The following SNX25 variants were observed in gnomAD, a reference collection of about 807,000 sequenced individuals.
The protein encoded by SNX25 is sorting nexin 25.
Under a neutral mutation model 113.7 loss-of-function variants are expected in SNX25, and 62 were observed. The observed-to-expected ratio is 0.55, with a 90% CI of 0.44 to 0.67. The LOEUF is 0.67. Among genes scored for constraint, SNX25 ranks in the 30% least tolerant of loss-of-function variants. The pLI, the probability that SNX25 is intolerant of heterozygous loss-of-function variation, is 0.00. For missense variants in SNX25, 1,014 were observed against 1,161.0 expected (o/e 0.87, Z 1.84); for synonymous variants, 421 against 436.2 (o/e 0.97, Z 0.43).
intron 3 of SNX25, among the ~76,000 whole-genome samples, chr4:185,263,628 C>A (rs1453217821): frequency 2.0e-5 from 3 of 152,160 alleles, no homozygotes; most frequent in Admixed American, 2.0e-4. Context: ...CTAATATGCA[C>A]TAGTTTCATT....
At chr4:185,245,460 G>A (rs1744731296) in intron 1 of SNX25, among the ~76,000 whole-genome samples, 1 of 151,716 alleles carries the variant, frequency 6.6e-6, no homozygotes, top group African/African-American at 2.4e-5. Flanking sequence ...GCCTCAGCCT[G>A]CCGAGTAGCT....
intron 1 of SNX25, among the ~76,000 whole-genome samples, chr4:185,240,093 A>C (rs952202140): frequency 5.3e-5 from 8 of 151,924 alleles, no homozygotes; most frequent in Non-Finnish European, 1.2e-4. Flanking sequence ...GTAAGGTCAT[A>C]GATCAACAGG....
intron 11 of SNX25, among the ~76,000 whole-genome samples, chr4:185,369,231 T>A (rs1293658933): frequency 6.8e-6 from 1 of 146,900 alleles, no homozygotes; most frequent in Non-Finnish European, 1.5e-5. Context: ...AGAGAGCTTT[T>A]TTTTTTTTTT....
chr4:185,299,408 G>A (rs1028940628), intron 6 of SNX25, among the ~76,000 whole-genome samples: 7 of 152,302 alleles, frequency 4.6e-5, no homozygotes, highest in Admixed American at 1.3e-4. Context: ...TATGGTGCAC[G>A]TCAGCCTCAC....
intron 6 of SNX25, among the ~76,000 whole-genome samples, chr4:185,308,648 G>T (rs997870869): frequency 6.6e-6 from 1 of 152,154 alleles, no homozygotes; most frequent in Non-Finnish European, 1.5e-5. Context: ...TTGCTGCCAG[G>T]CACTGTTGTA....
At chr4:185,206,020 G>A (rs1737173889), upstream of SNX25, among the ~76,000 whole-genome samples, 1 of 152,210 alleles carries the variant, frequency 6.6e-6, no homozygotes, top group Admixed American at 6.5e-5. Flanking sequence ...ATAAGGATTG[G>A]CAAGAATGTG....
intron 15 of SNX25, among the ~76,000 whole-genome samples, chr4:185,353,937 G>A (rs1261423655): frequency 2.0e-5 from 3 of 152,050 alleles, no homozygotes; most frequent in Non-Finnish European, 1.5e-5. Flanking sequence ...CCAGCTACTT[G>A]GGAAGCTGAG....
exon 12 of SNX25, chr4:185,370,053 AAACTT>A (rs2095409922): frequency 5.6e-6 from 1 of 178,480 alleles, no homozygotes; most frequent in African/African-American, 2.4e-5. Flanking sequence ...AAAAAAATCT[AAACTT>A]AAGAGTTAGT....
At chr4:185,366,784 G>T (rs2095389394), downstream of SNX25, 1 of 153,288 alleles carries the variant, frequency 6.5e-6, no homozygotes, top group Admixed American at 6.5e-5. Context: ...CAAATTTAAA[G>T]AATTAAACTT....
intron 1 of SNX25, among the ~76,000 whole-genome samples, chr4:185,212,493 T>G (rs202151938): frequency 0.016 from 1,209 of 76,784 alleles, 11 homozygotes; most frequent in African/African-American, 0.022. Flanking sequence ...GTGTGTGTGT[T>G]TTTTTTTTTT....
At chr4:185,221,288 C>G (rs916080046) in intron 1 of SNX25, among the ~76,000 whole-genome samples, 5 of 152,232 alleles carry the variant, frequency 3.3e-5, no homozygotes, top group Admixed American at 3.3e-4. Flanking sequence ...CTGCTTTGGC[C>G]TCCCAAAGTG....
At chr4:185,369,227 CTTTTT>C (rs35543353) in intron 11 of SNX25, among the ~76,000 whole-genome samples, 2 of 100,926 alleles carry the variant, frequency 2.0e-5, no homozygotes, top group Admixed American at 1.1e-4. Flanking sequence ...ATACAGAGAG[CTTTTT>C]TTTTTTTTTT....
At chr4:185,276,357 A>G (rs536923871) in intron 5 of SNX25, among the ~76,000 whole-genome samples, 4 of 152,344 alleles carry the variant, frequency 2.6e-5, no homozygotes, top group East Asian at 1.9e-4. Flanking sequence ...ACAGTGATCA[A>G]TTTCTAGTGG....
chr4:185,369,337 C>A (rs950551727), intron 11 of SNX25, among the ~76,000 whole-genome samples: 2 of 151,172 alleles, frequency 1.3e-5, no homozygotes, highest in African/African-American at 4.9e-5. Flanking sequence ...CCTGCCTCAG[C>A]CTCGCGAGTA....
chr4:185,215,442 C>G (rs1419469780), intron 1 of SNX25, among the ~76,000 whole-genome samples: 1 of 152,172 alleles, frequency 6.6e-6, no homozygotes, highest in Non-Finnish European at 1.5e-5. Context: ...TCGCTTGGAT[C>G]AGATGGCTAG....
downstream of SNX25, among the ~76,000 whole-genome samples, chr4:185,368,357 C>T (rs564081331): frequency 4.6e-5 from 7 of 152,246 alleles, no homozygotes; most frequent in African/African-American, 1.7e-4. Flanking sequence ...CTGTCGCCTC[C>T]AGGTCCCAGT....
intron 3 of SNX25, among the ~76,000 whole-genome samples, chr4:185,262,880 C>T (rs895700032): frequency 2.6e-5 from 4 of 152,232 alleles, no homozygotes; most frequent in Non-Finnish European, 4.4e-5. Context: ...GTAGATGCCT[C>T]CTGCCACAGA....
chr4:185,290,428 G>A (rs767567213), intron 6 of SNX25, among the ~76,000 whole-genome samples: 7 of 152,196 alleles, frequency 4.6e-5, no homozygotes, highest in African/African-American at 9.7e-5. Flanking sequence ...CCTTGGAGCC[G>A]TTTTGCCTGG....
rs766216292 is a variant in SNX25, at chr4:185,339,455, CG to C, written c.1993del (p.Asp665IlefsTer34). 6.2e-7 allele frequency: 1 copy of C among 1,614,000 alleles called. No individual in the cohort carries two copies. Among genetic ancestry groups the C allele is most frequent in the East Asian group, 2.2e-5 (1 of 44,872 alleles). ...GACCTTCAGCTGCACATGGCAAGAA[CG>C]GATTGGTGGTGTGAAAACCTTGGCA... ...RTDLQLHMAR[T>X]DWWCENLGMW... On this transcript the variant is annotated frameshift_variant, in exon 11 of 19. Coordinates refer to ENST00000652585, the MANE Select transcript of SNX25 (RefSeq NM_001378034.2). LOFTEE classifies it high-confidence loss of function.
Sources: allele counts gnomAD v4.1 joint callset (sites outside exome capture counted in the v4.1 genomes callset), GRCh38; gene constraint gnomAD v4.1.1; transcripts MANE v1.5; gene names NCBI Gene and HGNC (gene_info 2026-07-23, HGNC 2026-07-21).